ANKS1B: variants seen among roughly 807,000 people sequenced by gnomAD.
The protein encoded by ANKS1B is ankyrin repeat and sterile alpha motif domain-containing protein 1B.
Under a neutral mutation model 148.3 loss-of-function variants are expected in ANKS1B, and 36 were observed. The ratio of observed to expected loss-of-function variants is 0.24; its 90% CI spans 0.19 to 0.32. The LOEUF (loss-of-function observed/expected upper bound fraction) is 0.32, where lower values mean the gene tolerates loss of function less well. Ranked by LOEUF, ANKS1B falls within the 10% of genes least tolerant of loss-of-function variation. ANKS1B has a pLI of 1.00. For synonymous variants in ANKS1B, 542 were observed against 560.8 expected, an observed-to-expected ratio of 0.97 and a Z score of 0.47; for missense variants, 1,157 against 1,542.6, an observed-to-expected ratio of 0.75 and a Z score of 4.19.
intron 18 of ANKS1B, among the ~76,000 whole-genome samples, chr12:98,830,253 C>CT (rs960364499): frequency 2.0e-4 from 30 of 149,682 alleles, no homozygotes; most frequent in East Asian, 7.9e-4. Context: ...AAACAAAAAT[C>CT]TTTTTTTTTT....
chr12:99,776,833 A>G (rs2063702048), intron 6 of ANKS1B, among the ~76,000 whole-genome samples: 1 of 151,914 alleles, frequency 6.6e-6, no homozygotes, highest in African/African-American at 2.4e-5. Flanking sequence ...GATATGTGCC[A>G]CCACACCCGG....
chr12:98,787,163 G>T (rs2098802820), intron 22 of ANKS1B, among the ~76,000 whole-genome samples: 2 of 152,192 alleles, frequency 1.3e-5, no homozygotes, highest in African/African-American at 4.8e-5. Flanking sequence ...GCATTATTGT[G>T]GTGATTTTGT....
chr12:98,808,650 C>G (rs1160415245), intron 19 of ANKS1B, among the ~76,000 whole-genome samples: 1 of 152,172 alleles, frequency 6.6e-6, no homozygotes, highest in Non-Finnish European at 1.5e-5. Context: ...ATAAGATAAA[C>G]TTATCAGTAA....
chr12:98,931,303 C>T (rs1209771041), intron 17 of ANKS1B, among the ~76,000 whole-genome samples: 2 of 152,080 alleles, frequency 1.3e-5, no homozygotes, highest in African/African-American at 4.8e-5. Flanking sequence ...AACTTGAGGC[C>T]TTCTGATCAC....
intron 12 of ANKS1B, among the ~76,000 whole-genome samples, chr12:99,380,103 G>T (rs1459514221): frequency 1.3e-5 from 2 of 152,132 alleles, no homozygotes; most frequent in Non-Finnish European, 2.9e-5. Flanking sequence ...GTTGAACCAA[G>T]GGCATTTTCA....
rs1416738307 is a variant in ANKS1B at position 99,154,998 on chromosome 12, G to C, written c.2420-603C>G. 8.5e-6 allele frequency: 13 copies of C among 1,535,232 alleles called. No individual in the cohort carries two copies. The East Asian group carries it at 1.7e-4, about 20-fold the overall frequency. On this transcript the variant is annotated intron_variant, in intron 14 of 26. Transcript: ENST00000683438. ...TCCAAGCGTCAATCTTGAATGATGA[G>C]AGCAGTCAAAACAAATGCAGAAAAT...
chr12:99,269,953 T>C (rs952778081), intron 12 of ANKS1B, among the ~76,000 whole-genome samples: 18 of 152,168 alleles, frequency 1.2e-4, no homozygotes, highest in African/African-American at 4.1e-4. Flanking sequence ...AATAAAAATA[T>C]GGAGACATTT....
chr12:99,915,225 C>CAA (rs34176071), intron 1 of ANKS1B, among the ~76,000 whole-genome samples: 7,051 of 101,498 alleles, frequency 0.069, 333 homozygotes, highest in Admixed American at 0.11. Flanking sequence ...AAAGCTGTCT[C>CAA]AAAAAAAAAA....
chr12:99,236,474 C>A (rs1295102462), intron 14 of ANKS1B, among the ~76,000 whole-genome samples: 1 of 152,140 alleles, frequency 6.6e-6, no homozygotes, highest in Non-Finnish European at 1.5e-5. Context: ...GGGGGAATTG[C>A]CACACTCTAA....
intron 19 of ANKS1B, among the ~76,000 whole-genome samples, chr12:98,816,968 T>C (rs1158306817): frequency 6.6e-6 from 1 of 151,664 alleles, no homozygotes; most frequent in Admixed American, 6.6e-5. Flanking sequence ...CTACCAGAGA[T>C]GAAATTTTCT....
intron 8 of ANKS1B, among the ~76,000 whole-genome samples, chr12:99,759,324 T>G (rs956724976): frequency 6.6e-6 from 1 of 151,920 alleles, no homozygotes; most frequent in East Asian, 1.9e-4. Context: ...ACACTGTATC[T>G]TTTACTTACG....
At chr12:98,927,293 A>T (rs570569833) in intron 17 of ANKS1B, among the ~76,000 whole-genome samples, 1 of 152,262 alleles carries the variant, frequency 6.6e-6, no homozygotes, top group Non-Finnish European at 1.5e-5. Flanking sequence ...ACATCCTCAG[A>T]TAAACTGAGG....
intron 8 of ANKS1B, among the ~76,000 whole-genome samples, chr12:99,691,378 C>CT (rs2098678523): frequency 6.6e-6 from 1 of 152,192 alleles, no homozygotes; most frequent in South Asian, 2.1e-4. Flanking sequence ...AATGGTTTTT[C>CT]TTTTCTATTG....
At chr12:98,852,829 G>A (rs769825778) in intron 17 of ANKS1B, among the ~76,000 whole-genome samples, 3 of 152,004 alleles carry the variant, frequency 2.0e-5, no homozygotes, top group Non-Finnish European at 4.4e-5. Context: ...TAGAAGGCTC[G>A]GGGGTGCAGG....
chr12:99,085,109 C>T, intron 15 of ANKS1B, 86 bp from the exon 16 acceptor site: 4 of 1,116,314 alleles, frequency 3.6e-6, no homozygotes, highest in Non-Finnish European at 3.9e-6. Flanking sequence ...CAGAGAAAAC[C>T]AGTGAGTGAC....
chr12:99,241,532 T>G (rs886977168), intron 14 of ANKS1B, among the ~76,000 whole-genome samples: 1 of 152,208 alleles, frequency 6.6e-6, no homozygotes, highest in African/African-American at 2.4e-5. Flanking sequence ...GAGGGAATCC[T>G]CCCTAACTCA....
chr12:99,814,953 A>T (rs918762301), intron 2 of ANKS1B, among the ~76,000 whole-genome samples: 2 of 151,834 alleles, frequency 1.3e-5, no homozygotes, highest in African/African-American at 4.8e-5. Context: ...TCTAAAATGT[A>T]GAATTTAGCC....
intron 8 of ANKS1B, among the ~76,000 whole-genome samples, chr12:99,674,268 AG>A (rs757082313): frequency 6.6e-5 from 10 of 151,990 alleles, no homozygotes; most frequent in Middle Eastern, 3.4e-3. Flanking sequence ...TTATACATAA[AG>A]TGAGGGCTGA....
intron 12 of ANKS1B, among the ~76,000 whole-genome samples, chr12:99,334,063 G>A (rs1276594624): frequency 6.6e-6 from 1 of 151,434 alleles, no homozygotes; most frequent in Non-Finnish European, 1.5e-5. Flanking sequence ...TTATAATTCT[G>A]GGTCAGGCAT....
Sources: gnomAD v4.1 joint callset for allele counts (sites outside exome capture counted in the v4.1 genomes callset) on GRCh38, gnomAD v4.1.1 for gene constraint, MANE v1.5 for transcripts, NCBI Gene and HGNC (gene_info 2026-07-23, HGNC 2026-07-21) for gene names.